PRKN: variants seen among roughly 807,000 people sequenced by gnomAD.
PRKN encodes E3 ubiquitin-protein ligase parkin.
In PRKN, 56 loss-of-function variants were observed where a neutral mutation model predicts 59.5. That is an observed-to-expected ratio of 0.94 (90% CI 0.76 to 1.18). The LOEUF (loss-of-function observed/expected upper bound fraction) is 1.18, where lower values mean the gene tolerates loss of function less well. PRKN is among the 50% of genes most tolerant of loss of function. The pLI is 0.00. For missense variants in PRKN, 657 were observed against 596.4 expected (o/e 1.10, Z -1.06); for synonymous variants, 250 against 222.1 (o/e 1.13, Z -1.12).
intron 4 of PRKN, among the ~76,000 whole-genome samples, chr6:162,135,226 C>T (rs1050692584): frequency 6.6e-6 from 1 of 152,056 alleles, no homozygotes; most frequent in African/African-American, 2.4e-5. Context: ...AGTCTCTAAC[C>T]CCTAGGCTCA....
At chr6:162,538,985 G>T (rs1175623569) in intron 1 of PRKN, among the ~76,000 whole-genome samples, 1 of 152,280 alleles carries the variant, frequency 6.6e-6, no homozygotes, top group East Asian at 1.9e-4. Flanking sequence ...ATTACCGTGG[G>T]GGCCCACAAT....
chr6:161,431,921 T>A (rs1395775722), intron 9 of PRKN, among the ~76,000 whole-genome samples: 1 of 152,162 alleles, frequency 6.6e-6, no homozygotes. Flanking sequence ...GGCAATAATA[T>A]TTTCTATCTA....
chr6:161,763,082 T>C (rs1789270053), intron 7 of PRKN, among the ~76,000 whole-genome samples: 1 of 152,236 alleles, frequency 6.6e-6, no homozygotes, highest in South Asian at 2.1e-4. Context: ...TTGTACTCTG[T>C]AACCGTTGTA....
At chr6:162,165,985 T>C (rs1342805314) in intron 4 of PRKN, among the ~76,000 whole-genome samples, 33 of 141,312 alleles carry the variant, frequency 2.3e-4, no homozygotes, top group Admixed American at 2.2e-3. Flanking sequence ...GTGGCAAGGG[T>C]TGCAGTGAGC....
In PRKN at chr6:161,372,864, C is replaced by T. The variant is rs1044139337; in HGVS notation, c.1168-12659G>A. Among the ~76,000 whole-genome samples the T allele has an allele frequency of 2.1e-5, 3 of 141,876 alleles. No individual in the cohort carries two copies. The highest frequency in any genetic ancestry group is 4.5e-5 in the Non-Finnish European group (3 of 66,454). The allele number at this position is 141,876 out of a possible 152,430, so 93.1% of individuals were successfully genotyped here. Reference sequence around the variant, plus strand: ...TTTTTTTTTGAGACAGGGTCTCACTCTGTTGCCCAGGCTGGAGTGCTGTGG... The same window carrying T: ...TTTTTTTTTGAGACAGGGTCTCACTTTGTTGCCCAGGCTGGAGTGCTGTGG... On this transcript the variant is annotated intron_variant, in intron 10 of 11. Transcript: ENST00000366898. The surrounding 1 kb of genome is among the most constrained non-coding windows in gnomAD (Gnocchi z 4.2).
chr6:161,629,834 G>A (rs1053642893), intron 7 of PRKN, among the ~76,000 whole-genome samples: 2 of 152,178 alleles, frequency 1.3e-5, no homozygotes, highest in Non-Finnish European at 2.9e-5. Context: ...TGGTTACCTA[G>A]TGACCCACAT....
intron 1 of PRKN, among the ~76,000 whole-genome samples, chr6:162,504,488 T>C (rs1416484620): frequency 6.6e-6 from 1 of 152,120 alleles, no homozygotes; most frequent in East Asian, 1.9e-4. Context: ...AATAGATCAA[T>C]GGACTGGAAT....
Position 161,360,295 on chromosome 6 carries a change from C to A in PRKN, c.1168-90G>T. 9.4e-7 allele frequency: 1 copy of A among 1,067,744 alleles called. No individual in the cohort carries two copies. Among genetic ancestry groups the A allele is most frequent in the South Asian group, 1.3e-5 (1 of 79,532 alleles). 66.1% of individuals were successfully genotyped at this position (1,067,744 alleles called of 1,614,324 possible). ...TCCCTGTACGTCGGTACAGGAAATTCTTGAAGACAGGAGTGCCTTCGGGCA... is the reference window on the plus strand; with the variant it reads ...TCCCTGTACGTCGGTACAGGAAATTATTGAAGACAGGAGTGCCTTCGGGCA... On this transcript the variant is annotated intron_variant, in intron 10 of 11. Coordinates refer to ENST00000366898, the MANE Select transcript of PRKN (RefSeq NM_004562.3). The surrounding 1 kb of genome is among the most constrained non-coding windows in gnomAD (Gnocchi z 5.1).
At chr6:162,067,545 C>T (rs1226791174) in intron 4 of PRKN, among the ~76,000 whole-genome samples, 1 of 152,138 alleles carries the variant, frequency 6.6e-6, no homozygotes, top group African/African-American at 2.4e-5. Context: ...CCATAAAACC[C>T]AAACTTTTAA....
intron 9 of PRKN, among the ~76,000 whole-genome samples, chr6:161,432,574 G>T (rs187495098): frequency 6.8e-6 from 1 of 147,742 alleles, no homozygotes; most frequent in Non-Finnish European, 1.5e-5. Flanking sequence ...TAGAGATGGG[G>T]TTTCACCATG....
rs139111248 is a variant in PRKN, at chr6:161,828,816, G to A, written c.735-42908C>T. Reference sequence around the variant, plus strand: ...CTGGTGGCAGCTGCCTGTAGTCCCAGCTACTTGGGACGCTGAGGCGGGAGA... The same window carrying A: ...CTGGTGGCAGCTGCCTGTAGTCCCAACTACTTGGGACGCTGAGGCGGGAGA... On this transcript the variant is annotated intron_variant, in intron 6 of 11. Transcript: ENST00000366898. Among the ~76,000 whole-genome samples, 1,042 of 152,224 alleles carry A rather than the reference G, an allele frequency of 6.8e-3. 11 individuals are homozygous for A. The highest frequency in any genetic ancestry group is 0.024 in the African/African-American group (995 of 41,544).
chr6:161,520,472 C>T (rs188321037), intron 9 of PRKN, among the ~76,000 whole-genome samples: 36 of 152,168 alleles, frequency 2.4e-4, no homozygotes, highest in Non-Finnish European at 4.7e-4. Context: ...AGGTGATCCA[C>T]CCACCTCGGC....
At chr6:161,507,293 T>A (rs508517) in intron 9 of PRKN, among the ~76,000 whole-genome samples, 121,282 of 152,162 alleles carry the variant, frequency 0.8, 48,590 homozygotes, top group Middle Eastern at 0.87. Context: ...ACTTTTTGTC[T>A]AAGTATCTTT....
intron 2 of PRKN, among the ~76,000 whole-genome samples, chr6:162,310,489 A>C (rs983424698): frequency 6.6e-6 from 1 of 152,082 alleles, no homozygotes; most frequent in Non-Finnish European, 1.5e-5. Flanking sequence ...AGCCTGCAGG[A>C]GCAACAGCCC....
At chr6:162,570,791 G>A (rs536240317) in intron 1 of PRKN, among the ~76,000 whole-genome samples, 2 of 152,144 alleles carry the variant, frequency 1.3e-5, no homozygotes, top group Admixed American at 6.6e-5. Context: ...TAGAGAGTAG[G>A]AGAATAGTTA....
At chr6:162,477,500 T>C (rs774842771) in intron 1 of PRKN, among the ~76,000 whole-genome samples, 4 of 152,194 alleles carry the variant, frequency 2.6e-5, no homozygotes, top group Non-Finnish European at 4.4e-5. Flanking sequence ...AAGAGTCGAG[T>C]TATGCAGTTG....
chr6:162,021,042 G>T lies in PRKN; in HGVS notation c.618+33049C>A, dbSNP rs568753244. Among the ~76,000 whole-genome samples, 6 of 147,556 alleles carry T rather than the reference G, an allele frequency of 4.1e-5. No homozygotes were observed. The South Asian group carries it at 1.3e-3, about 32-fold the overall frequency. ...TGCTTGAATCCGGGAGGTGGAAGTT[G>T]CAGTGAGTCGAGATCATACCACTGC... On this transcript the variant is annotated intron_variant, in intron 5 of 11. Transcript: ENST00000366898.
chr6:162,271,462 G>T (rs1017070354), intron 2 of PRKN: 2 of 151,324 alleles, frequency 1.3e-5, no homozygotes, highest in African/African-American at 2.4e-5. Flanking sequence ...AGAATCTCTC[G>T]AACCTGGGAT....
chr6:161,877,523 G>A lies in PRKN; in HGVS notation c.735-91615C>T, dbSNP rs191353764. ...CACCCAGGCTGGAGTGCAGTGGCGC[G>A]ATCTCAGCTCACTGCAAGCTCAGCC... is the stretch of plus-strand genomic sequence containing the variant. On this transcript the variant is annotated intron_variant, in intron 6 of 11. Coordinates refer to ENST00000366898, the MANE Select transcript of PRKN (RefSeq NM_004562.3). Among the ~76,000 whole-genome samples, 6 of 150,546 alleles carry A rather than the reference G, an allele frequency of 4.0e-5. No individual in the cohort carries two copies. In the East Asian group the frequency reaches 9.7e-4, roughly 24 times the overall value.
Sources: gnomAD v4.1 joint callset for allele counts (sites outside exome capture counted in the v4.1 genomes callset) on GRCh38, gnomAD v4.1.1 for gene constraint, Gnocchi (gnomAD v3.1) non-coding constraint, MANE v1.5 for transcripts, NCBI Gene and HGNC (gene_info 2026-07-23, HGNC 2026-07-21) for gene names.